STXBP5L: variants seen among roughly 807,000 people sequenced by gnomAD.
The protein encoded by STXBP5L is syntaxin-binding protein 5-like.
In STXBP5L, 65 loss-of-function variants were observed where a neutral mutation model predicts 144.5. That is an observed-to-expected ratio of 0.45 (90% CI 0.37 to 0.55). The LOEUF (loss-of-function observed/expected upper bound fraction) is 0.55, where lower values mean the gene tolerates loss of function less well. Ranked by LOEUF, STXBP5L falls within the 20% of genes least tolerant of loss-of-function variation. STXBP5L has a pLI of 0.00. For synonymous variants in STXBP5L, 505 were observed against 469.6 expected (o/e 1.08, Z -0.97); for missense variants, 1,298 against 1,405.5 (o/e 0.92, Z 1.22).
intron 3 of STXBP5L, among the ~76,000 whole-genome samples, chr3:120,969,717 G>T (rs906880644): frequency 3.3e-5 from 5 of 152,018 alleles, no homozygotes; most frequent in Admixed American, 2.0e-4. Flanking sequence ...CTTGATTTTT[G>T]TGTAAAGTGA....
intron 5 of STXBP5L, among the ~76,000 whole-genome samples, chr3:121,106,455 T>C (rs1395935919): frequency 2.0e-5 from 3 of 152,004 alleles, no homozygotes; most frequent in Non-Finnish European, 4.4e-5. Context: ...CCATGTATTC[T>C]CATTGTTCAG....
chr3:121,000,098 A>G (rs183833031), intron 3 of STXBP5L, among the ~76,000 whole-genome samples: 1 of 152,050 alleles, frequency 6.6e-6, no homozygotes, highest in Non-Finnish European at 1.5e-5. Context: ...GGGGGTGGTC[A>G]TCTTGCATAG....
At chr3:120,948,895 G>T (rs752277969) in intron 2 of STXBP5L, among the ~76,000 whole-genome samples, 11 of 150,820 alleles carry the variant, frequency 7.3e-5, no homozygotes, top group Admixed American at 1.3e-4. Flanking sequence ...TTCATATAAT[G>T]ATTTTTTTTT....
At chr3:121,356,118 A>T (rs867099062) in intron 20 of STXBP5L, among the ~76,000 whole-genome samples, 22 of 152,240 alleles carry the variant, frequency 1.4e-4, no homozygotes, top group Admixed American at 9.2e-4. Context: ...CTCTACTGGG[A>T]GGTGTCTGCC....
At chr3:121,060,264 T>C (rs1160261644) in intron 5 of STXBP5L, among the ~76,000 whole-genome samples, 1 of 152,224 alleles carries the variant, frequency 6.6e-6, no homozygotes, top group Non-Finnish European at 1.5e-5. Flanking sequence ...GTTTATGTGA[T>C]GGATTATGTT....
rs182221865 is a variant in STXBP5L, at chr3:121,104,416, C to A, written c.471-10509C>A. Among the ~76,000 whole-genome samples, 35 of 152,050 alleles carry A rather than the reference C, an allele frequency of 2.3e-4. No homozygotes were observed. The East Asian group carries it at 6.6e-3, about 29-fold the overall frequency. On this transcript the variant is annotated intron_variant, in intron 5 of 26. Coordinates refer to ENST00000471454, the MANE Select transcript of STXBP5L (RefSeq NM_001308330.2). ...AAACAATCCTAAAATTAATGTGAAA[C>A]CAAAAAAGAGCCTGCATAACCAAAG...
rs187823163 is a variant in STXBP5L at position 121,341,600 on chromosome 3, A to G, written c.2176+23060A>G. On this transcript the variant is annotated intron_variant, in intron 20 of 26. Transcript: ENST00000471454. Reference sequence around the variant, plus strand: ...TGCAGCACTATTCACAGTAGCCAAGATTTGGAAGCAATTTAAGTGTCTATC... The same window carrying G: ...TGCAGCACTATTCACAGTAGCCAAGGTTTGGAAGCAATTTAAGTGTCTATC... 3.2e-3 allele frequency among the ~76,000 whole-genome samples: 493 copies of G among 152,232 alleles called. 2 individuals carry two copies. Among genetic ancestry groups the G allele is most frequent in the African/African-American group, 0.011 (471 of 41,554 alleles).
chr3:121,092,198 G>A lies in STXBP5L; in HGVS notation c.471-22727G>A, dbSNP rs2107738213. Among the ~76,000 whole-genome samples, 3 of 152,130 alleles carry A rather than the reference G, an allele frequency of 2.0e-5. No individual in the cohort carries two copies. The East Asian group carries it at 5.8e-4, about 29-fold the overall frequency. The stretch of plus-strand genomic sequence containing the variant: ...GCCTTGTAGTATAGTTTGAAGTCAG[G>A]TAGCATGATGCCTCCAGCTTTGTTC... On this transcript the variant is annotated intron_variant, in intron 5 of 26. Transcript: ENST00000471454.
At chr3:121,313,880 C>T (rs1357106482) in intron 19 of STXBP5L, among the ~76,000 whole-genome samples, 18 of 138,690 alleles carry the variant, frequency 1.3e-4, no homozygotes, top group South Asian at 2.5e-4. Flanking sequence ...ACTTCTCAGA[C>T]GGAGCGGCCG....
chr3:121,175,777 A>G (rs2046908940), intron 9 of STXBP5L, among the ~76,000 whole-genome samples: 2 of 152,032 alleles, frequency 1.3e-5, no homozygotes, highest in African/African-American at 2.4e-5. Flanking sequence ...CTAACATTCA[A>G]TTTTGAAAAA....
At chr3:121,366,418 T>C (rs1163168574) in intron 20 of STXBP5L, among the ~76,000 whole-genome samples, 2 of 152,008 alleles carry the variant, frequency 1.3e-5, no homozygotes, top group Non-Finnish European at 2.9e-5. Context: ...TATATTTTGA[T>C]GGTCTCTCAT....
At chr3:121,389,405 G>A (rs923723993) in intron 22 of STXBP5L, among the ~76,000 whole-genome samples, 1 of 152,134 alleles carries the variant, frequency 6.6e-6, no homozygotes, top group Admixed American at 6.5e-5. Context: ...TCTGATCTTA[G>A]TTATTTCTTG....
chr3:121,210,908 A>G (rs1231319870), intron 10 of STXBP5L, among the ~76,000 whole-genome samples: 1 of 152,184 alleles, frequency 6.6e-6, no homozygotes, highest in Non-Finnish European at 1.5e-5. Context: ...TGTCTTGGCA[A>G]TACGGGACCT....
At chr3:121,126,395 G>A (rs965568526) in intron 7 of STXBP5L, among the ~76,000 whole-genome samples, 2 of 152,110 alleles carry the variant, frequency 1.3e-5, no homozygotes, top group Non-Finnish European at 2.9e-5. Flanking sequence ...GTCCTAGTCT[G>A]TAAACCCTCA....
intron 9 of STXBP5L, among the ~76,000 whole-genome samples, chr3:121,181,855 G>A (rs947219500): frequency 1.3e-5 from 2 of 151,816 alleles, no homozygotes; most frequent in Admixed American, 6.6e-5. Context: ...GTAAAGGGGT[G>A]GAAAAACATA....
intron 18 of STXBP5L, among the ~76,000 whole-genome samples, chr3:121,272,615 A>T (rs2050764447): frequency 6.6e-6 from 1 of 152,164 alleles, no homozygotes; most frequent in African/African-American, 2.4e-5. Flanking sequence ...TTTACATTTA[A>T]AGTAATGATT....
chr3:121,092,078 A>G (rs1269559231), intron 5 of STXBP5L, among the ~76,000 whole-genome samples: 1 of 152,162 alleles, frequency 6.6e-6, no homozygotes, highest in Admixed American at 6.5e-5. Context: ...CAAAGATCAG[A>G]TAGTTGTAGA....
intron 5 of STXBP5L, among the ~76,000 whole-genome samples, chr3:121,104,393 AC>A (rs1222444588): frequency 3.3e-5 from 5 of 152,198 alleles, no homozygotes; most frequent in Non-Finnish European, 5.9e-5. Context: ...ACTAGAAAAA[AC>A]AATCCTAAAA....
At chr3:121,407,770 G>A in intron 23 of STXBP5L, 167 bp downstream of exon 23, 2 of 1,003,608 alleles carry the variant, frequency 2.0e-6, no homozygotes, top group Non-Finnish European at 2.8e-6. Flanking sequence ...AGAGTTTGGG[G>A]GTTTTGTGTT....
Sources: gnomAD v4.1 joint callset for allele counts (sites outside exome capture counted in the v4.1 genomes callset) on GRCh38, gnomAD v4.1.1 for gene constraint, MANE v1.5 for transcripts, NCBI Gene and HGNC (gene_info 2026-07-23, HGNC 2026-07-21) for gene names.